The following BEND7 variants were observed in gnomAD, a reference collection of about 807,000 sequenced individuals.
BEND7 encodes the protein BEN domain-containing protein 7.
A neutral mutation model predicts 50.9 loss-of-function variants in BEND7; 28 were observed. That is an observed-to-expected ratio of 0.55 (90% CI 0.41 to 0.75). The LOEUF is 0.75. Among genes scored for constraint, BEND7 ranks in the 30% least tolerant of loss-of-function variants. The probability of loss-of-function intolerance (pLI) is 0.00; values close to 1 mark genes in which losing one functional copy is unlikely to be tolerated. For synonymous variants in BEND7, 170 were observed against 183.9 expected, an observed-to-expected ratio of 0.92 and a Z score of 0.61; for missense variants, 477 against 491.3, an observed-to-expected ratio of 0.97 and a Z score of 0.28.
intron 7 of BEND7, among the ~76,000 whole-genome samples, chr10:13,449,574 G>A (rs4750359): frequency 0.72 from 109,903 of 152,112 alleles, 40,215 homozygotes; most frequent in East Asian, 0.88. Context: ...CATATGCATC[G>A]ATATGAGCTA....
chr10:13,522,994 T>TA (rs559836460), intron 2 of BEND7, among the ~76,000 whole-genome samples: 162 of 152,302 alleles, frequency 1.1e-3, no homozygotes, highest in African/African-American at 3.7e-3. Context: ...CTGTAGCTCT[T>TA]ACGATTGCTG....
intron 2 of BEND7, among the ~76,000 whole-genome samples, chr10:13,515,960 A>C (rs10906399): frequency 0.087 from 13,314 of 152,250 alleles, 643 homozygotes; most frequent in Non-Finnish European, 0.097. Context: ...GAGTGGGATG[A>C]AGACCTCATG....
chr10:13,502,439 G>A lies in BEND7; in HGVS notation c.146-2359C>T, dbSNP rs918368763. 2.6e-5 allele frequency among the ~76,000 whole-genome samples: 4 copies of A among 152,054 alleles called. No homozygotes were observed. In the East Asian group the frequency reaches 7.7e-4, roughly 29 times the overall value. On this transcript the variant is annotated intron_variant, in intron 2 of 8. Transcript: ENST00000466271. ...AAAACTATTTCTACTTCAAACCCCT[G>A]TGAAAATTACAATATATAAACAATA... is the stretch of plus-strand genomic sequence containing the variant.
chr10:13,500,434 A>C, intron 2 of BEND7: 22 of 819,736 alleles, frequency 2.7e-5, no homozygotes, highest in Non-Finnish European at 3.3e-5. Flanking sequence ...ATAGAACTGG[A>C]CCGCGGAACC....
At chr10:13,510,459 A>T (rs902586866) in intron 2 of BEND7, among the ~76,000 whole-genome samples, 1 of 152,214 alleles carries the variant, frequency 6.6e-6, no homozygotes, top group Non-Finnish European at 1.5e-5. Flanking sequence ...ATGAATATTC[A>T]CTACGGCATC....
intron 6 of BEND7, among the ~76,000 whole-genome samples, chr10:13,474,432 C>T (rs1266652062): frequency 6.6e-6 from 1 of 151,818 alleles, no homozygotes; most frequent in Non-Finnish European, 1.5e-5. Flanking sequence ...GACTCGGGGC[C>T]GATATCTGTC....
At chr10:13,508,630 C>T (rs747079237) in intron 2 of BEND7, among the ~76,000 whole-genome samples, 17 of 152,126 alleles carry the variant, frequency 1.1e-4, no homozygotes, top group Non-Finnish European at 2.2e-4. Flanking sequence ...ATTAAGCAGC[C>T]CAATGTATAC....
intron 7 of BEND7, among the ~76,000 whole-genome samples, chr10:13,451,019 C>T (rs769838548): frequency 4.0e-4 from 60 of 151,826 alleles, no homozygotes; most frequent in African/African-American, 1.2e-4. Context: ...TTATAATAAT[C>T]GGTCTCAGCA....
intron 2 of BEND7, among the ~76,000 whole-genome samples, chr10:13,512,692 C>A (rs1224848700): frequency 3.9e-5 from 6 of 152,192 alleles, no homozygotes; most frequent in Admixed American, 3.9e-4. Flanking sequence ...TCATTAAGTA[C>A]GATCTGGATT....
chr10:13,459,335 A>T (rs1211284647), intron 6 of BEND7, among the ~76,000 whole-genome samples: 2 of 152,188 alleles, frequency 1.3e-5, no homozygotes, highest in African/African-American at 4.8e-5. Flanking sequence ...GGATTTACAC[A>T]TACTTTGAAC....
intron 8 of BEND7, chr10:13,444,319 G>A (rs1201326288): frequency 6.6e-6 from 1 of 152,160 alleles, no homozygotes; most frequent in Non-Finnish European, 1.5e-5. Context: ...AAAGCCTGAT[G>A]AACAGAAGGT....
At chr10:13,440,133 C>T (rs752188442), downstream of BEND7, among the ~76,000 whole-genome samples, 10 of 152,126 alleles carry the variant, frequency 6.6e-5, no homozygotes, top group Non-Finnish European at 1.3e-4. Flanking sequence ...CCAGGGGAGC[C>T]TCCTGTGGCG....
intron 2 of BEND7, among the ~76,000 whole-genome samples, 157 bp downstream of exon 2, chr10:13,525,981 G>A (rs1225475508): frequency 1.3e-5 from 2 of 152,146 alleles, no homozygotes; most frequent in African/African-American, 4.8e-5. Flanking sequence ...TGTTAATAAG[G>A]GATATATTGG....
At chr10:13,475,110 G>A (rs999197990) in intron 6 of BEND7, among the ~76,000 whole-genome samples, 10 of 152,154 alleles carry the variant, frequency 6.6e-5, no homozygotes, top group South Asian at 2.1e-4. Context: ...GAGAACAGCC[G>A]AGATTCAACA....
chr10:13,473,356 G>C (rs2131555753), intron 6 of BEND7, among the ~76,000 whole-genome samples: 1 of 152,086 alleles, frequency 6.6e-6, no homozygotes, highest in East Asian at 1.9e-4. Flanking sequence ...TAGACTCAGG[G>C]CCGATATCGT....
At chr10:13,481,868 G>A (rs1424663809) in intron 5 of BEND7, among the ~76,000 whole-genome samples, 1 of 152,200 alleles carries the variant, frequency 6.6e-6, no homozygotes, top group Non-Finnish European at 1.5e-5. Flanking sequence ...ATCAGAGGAC[G>A]TCCAAGGTGC....
intron 1 of BEND7, among the ~76,000 whole-genome samples, chr10:13,528,266 G>A (rs1273133146): frequency 2.0e-5 from 3 of 151,920 alleles, no homozygotes; most frequent in Non-Finnish European, 2.9e-5. Context: ...ACTTGTTTAC[G>A]TTAAATAACA....
At chr10:13,441,086 C>T (rs76414517), downstream of BEND7, 3,413 of 985,044 alleles carry the variant, frequency 3.5e-3, 68 homozygotes, top group African/African-American at 0.042. Flanking sequence ...TCCGCACGCA[C>T]GTTCAATTAA....
chr10:13,505,499 G>A (rs552554680), intron 2 of BEND7, among the ~76,000 whole-genome samples: 2 of 152,198 alleles, frequency 1.3e-5, no homozygotes, highest in Non-Finnish European at 1.5e-5. Flanking sequence ...GCAGACACCC[G>A]CTCTGGCCTG....
Sources: allele counts gnomAD v4.1 joint callset (sites outside exome capture counted in the v4.1 genomes callset), GRCh38; gene constraint gnomAD v4.1.1; transcripts MANE v1.5; gene names NCBI Gene and HGNC (gene_info 2026-07-23, HGNC 2026-07-21).